CCDC15: variants seen among roughly 807,000 people sequenced by gnomAD.
CCDC15 encodes coiled-coil domain-containing protein 15.
Under a neutral mutation model 114.5 loss-of-function variants are expected in CCDC15, and 105 were observed. The ratio of observed to expected loss-of-function variants is 0.92; its 90% CI spans 0.78 to 1.08. CCDC15 has a LOEUF of 1.08. Among genes scored for constraint, CCDC15 ranks in the 50% least tolerant of loss-of-function variants. The pLI, the probability that CCDC15 is intolerant of heterozygous loss-of-function variation, is 0.00. For missense variants in CCDC15, 1,105 were observed against 1,093.6 expected (o/e 1.01, Z -0.15); for synonymous variants, 334 against 377.8 (o/e 0.88, Z 1.34).
intron 13 of CCDC15, among the ~76,000 whole-genome samples, chr11:125,025,080 ATATG>A: frequency 7.2e-6 from 1 of 139,146 alleles, no homozygotes; most frequent in East Asian, 2.0e-4. Context: ...ATATGAATAT[ATATG>A]AATATATATA....
chr11:125,022,196 T>C (rs889298994), intron 13 of CCDC15, among the ~76,000 whole-genome samples: 1 of 151,946 alleles, frequency 6.6e-6, no homozygotes, highest in African/African-American at 2.4e-5. Flanking sequence ...GTGTGATGTG[T>C]GTATATGCCT....
In CCDC15 at chr11:124,987,881, A is replaced by T. The variant is rs201340905; in HGVS notation, c.1655A>T (p.Asn552Ile). 8 of 1,614,000 alleles carry T rather than the reference A, an allele frequency of 5.0e-6. No individual in the cohort carries two copies. In the East Asian group the frequency reaches 1.3e-4, roughly 27 times the overall value. ...CAGCATGTTCTCCCCAAAGACTGGAATATTCTACCCAAATGTCAGGACCAG... is the reference window on the plus strand; with the variant it reads ...CAGCATGTTCTCCCCAAAGACTGGATTATTCTACCCAAATGTCAGGACCAG... ...RDQHVLPKDWNILPKCQDQDF... is the reference protein window; with the variant it reads ...RDQHVLPKDWIILPKCQDQDF... The change falls in exon 8 of 16, where the codon AAT (asparagine) becomes ATT (isoleucine). Residue 552 changes from asparagine to isoleucine, a missense_variant. By Grantham distance (149) the Asn-to-Ile change is moderately radical. Coordinates refer to ENST00000344762, the MANE Select transcript of CCDC15 (RefSeq NM_025004.3).
intron 13 of CCDC15, among the ~76,000 whole-genome samples, chr11:125,020,222 A>G (rs1378971933): frequency 6.6e-6 from 1 of 151,962 alleles, no homozygotes; most frequent in African/African-American, 2.4e-5. Context: ...TTATTTTTCC[A>G]GCAGGGCACC....
chr11:124,976,408 A>C (rs1169630174), intron 5 of CCDC15, among the ~76,000 whole-genome samples: 1 of 152,060 alleles, frequency 6.6e-6, no homozygotes, highest in Non-Finnish European at 1.5e-5. Context: ...ATATGTGTCC[A>C]TGTATGGCAA....
rs201297538 is a variant in CCDC15, at chr11:125,021,203, GT to G, written c.2411+15992del. Among the ~76,000 whole-genome samples, 12 of 151,926 alleles carry G rather than the reference GT, an allele frequency of 7.9e-5. No homozygotes were observed. In the East Asian group the frequency reaches 2.3e-3, roughly 29 times the overall value. On this transcript the variant is annotated intron_variant, in intron 13 of 15. Transcript: ENST00000344762. Reference sequence around the variant, plus strand: ...AGACAGAGAAGGATGGTCTAAAGAAGTATACGAGGAAATTCAGGGAAAGTAT... The same window carrying G: ...AGACAGAGAAGGATGGTCTAAAGAAGATACGAGGAAATTCAGGGAAAGTAT...
At chr11:125,021,810 G>T (rs773429462) in intron 13 of CCDC15, among the ~76,000 whole-genome samples, 9 of 151,862 alleles carry the variant, frequency 5.9e-5, no homozygotes, top group Non-Finnish European at 1.5e-5. Flanking sequence ...GCCCTTAGCT[G>T]ACTGGTCTAG....
chr11:124,995,833 C>T (rs1262242331), intron 11 of CCDC15, among the ~76,000 whole-genome samples: 5 of 151,484 alleles, frequency 3.3e-5, no homozygotes, highest in Admixed American at 2.6e-4. Context: ...ATAGCCTTTT[C>T]TCCTTTTTTT....
chr11:124,956,989 C>G (rs1185100119), intron 2 of CCDC15, among the ~76,000 whole-genome samples: 1 of 152,168 alleles, frequency 6.6e-6, no homozygotes, highest in Non-Finnish European at 1.5e-5. Context: ...TACCTCCCCC[C>G]AATAATTATT....
chr11:124,985,938 A>G (rs942033268), intron 6 of CCDC15, among the ~76,000 whole-genome samples: 1 of 151,958 alleles, frequency 6.6e-6, no homozygotes, highest in Non-Finnish European at 1.5e-5. Flanking sequence ...GTTTATCTTG[A>G]GATCATGAAG....
At chr11:124,954,495 A>C in intron 1 of CCDC15, 125 bp downstream of exon 1, 1 of 344,484 alleles carries the variant, frequency 2.9e-6, no homozygotes, top group Non-Finnish European at 5.5e-6. Flanking sequence ...TCTCATCGCC[A>C]TTTCTTCTAG....
Position 125,027,640 on chromosome 11 carries a change from G to GT in CCDC15, c.2412-10789dup, listed in dbSNP as rs1300939014. On this transcript the variant is annotated intron_variant, in intron 13 of 15. Coordinates refer to ENST00000344762, the MANE Select transcript of CCDC15 (RefSeq NM_025004.3). ...TGTAGATTCTGGATATTAGTCCTTT[G>GT]TTGGATGCACAGTTTGCAATTATTT... is the stretch of plus-strand genomic sequence containing the variant. Among the ~76,000 whole-genome samples, 4 of 151,314 alleles carry GT rather than the reference G, an allele frequency of 2.6e-5. No individual in the cohort carries two copies. The South Asian group carries it at 6.2e-4, about 24-fold the overall frequency.
chr11:125,003,813 A>G, intron 11 of CCDC15, 54 bp from the exon 12 acceptor site: 1 of 937,828 alleles, frequency 1.1e-6, no homozygotes, highest in Non-Finnish European at 1.6e-6. Context: ...AAAATTGTTC[A>G]TGGGGTAGTT....
intron 1 of CCDC15, 46 bp from the exon 2 acceptor site, chr11:124,954,678 A>G: frequency 1.3e-6 from 2 of 1,567,748 alleles, no homozygotes; most frequent in Non-Finnish European, 1.7e-6. Context: ...TTGAACTTTT[A>G]ATGCAGTCAT....
intron 13 of CCDC15, among the ~76,000 whole-genome samples, chr11:125,014,063 GTGA>G: frequency 6.6e-6 from 1 of 152,338 alleles, no homozygotes; most frequent in African/African-American, 2.4e-5. Context: ...CTATTAGTCT[GTGA>G]TGATGAGGAG....
At chr11:124,973,381 A>G (rs367648811) in intron 4 of CCDC15, among the ~76,000 whole-genome samples, 7 of 151,610 alleles carry the variant, frequency 4.6e-5, no homozygotes, top group Non-Finnish European at 8.8e-5. Context: ...TTTCAACTAC[A>G]CATATCTCTT....
At chr11:124,981,928 C>T (rs1437439088) in intron 6 of CCDC15, among the ~76,000 whole-genome samples, 2 of 152,158 alleles carry the variant, frequency 1.3e-5, no homozygotes, top group Non-Finnish European at 2.9e-5. Flanking sequence ...GCCTGAGTCT[C>T]TTCATAGGTT....
rs878887902 is a variant in CCDC15 at position 124,986,700 on chromosome 11, T to TGTGTGTGTGTGCGCGCGC, written c.754-41_754-40insTGTGTGTGTGCGCGCGCG. On this transcript the variant is annotated intron_variant, in intron 6 of 15. Coordinates refer to ENST00000344762, the MANE Select transcript of CCDC15 (RefSeq NM_025004.3). ...GTGTGTGTGTGTGTGTTTGTGTGTGTGCGCGCGCGCGCGTGCGCGTTTTCA... is the reference window on the plus strand; with the variant it reads ...GTGTGTGTGTGTGTGTTTGTGTGTGTGTGTGTGTGTGCGCGCGCGCGCGCGCGCGCGTGCGCGTTTTCA... The TGTGTGTGTGTGCGCGCGC allele has an allele frequency of 3.0e-5, 41 of 1,353,020 alleles. 1 individual carries two copies. In the African/African-American group the frequency reaches 3.1e-4, roughly 10 times the overall value. The allele number at this position is 1,353,020 out of a possible 1,614,324, so 83.8% of individuals were successfully genotyped here. A position where few individuals can be genotyped will look rare whatever the true frequency, so the allele number is the denominator to read the frequency against.
Position 125,005,225 on chromosome 11 carries a change from A to T in CCDC15, c.2411+13A>T. 1 of 1,228,010 alleles carries T rather than the reference A, an allele frequency of 8.1e-7. No homozygotes were observed. The allele number at this position is 1,228,010 out of a possible 1,614,324, so 76.1% of individuals were successfully genotyped here. On this transcript the variant is annotated intron_variant, in intron 13 of 15. Coordinates refer to ENST00000344762, the MANE Select transcript of CCDC15 (RefSeq NM_025004.3). ...AGAAAATTGAAAAGTAAGTTATTCG[A>T]TCTGCTCTGTGAGCCTTAAATTGCC... is the stretch of plus-strand genomic sequence containing the variant.
chr11:125,006,715 A>C (rs1027725320), intron 13 of CCDC15, among the ~76,000 whole-genome samples: 1 of 152,106 alleles, frequency 6.6e-6, no homozygotes, highest in South Asian at 2.1e-4. Flanking sequence ...ATCTGTGTTT[A>C]GAGTCATTTT....
Sources: allele counts gnomAD v4.1 joint callset (sites outside exome capture counted in the v4.1 genomes callset), GRCh38; gene constraint gnomAD v4.1.1; transcripts MANE v1.5; gene names NCBI Gene and HGNC (gene_info 2026-07-23, HGNC 2026-07-21).